The following CCNB1IP1 variants were observed in gnomAD, a reference collection of about 807,000 sequenced individuals.
CCNB1IP1 encodes the protein E3 ubiquitin-protein ligase CCNB1IP1.
Under a neutral mutation model 25.6 loss-of-function variants are expected in CCNB1IP1, and 14 were observed. The observed-to-expected ratio is 0.55, with a 90% confidence interval of 0.36 to 0.85. The LOEUF (loss-of-function observed/expected upper bound fraction) is 0.85. Among genes scored for constraint, CCNB1IP1 ranks in the 40% least tolerant of loss-of-function variants. The pLI is 0.01. For missense variants in CCNB1IP1, 278 were observed against 342.4 expected (o/e 0.81, Z 1.48); for synonymous variants, 119 against 116.1 (o/e 1.02, Z -0.16).
At chr14:20,315,347 T>C in intron 5 of CCNB1IP1, 1 of 320,428 alleles carries the variant, frequency 3.1e-6, no homozygotes, top group Non-Finnish European at 5.0e-6. Context: ...TATAAAATGG[T>C]ATAGCCACTT....
intron 5 of CCNB1IP1, chr14:20,315,467 G>A: frequency 9.0e-7 from 1 of 1,111,430 alleles, no homozygotes. Context: ...AGAGGAGCAT[G>A]TAAGAGAAAC....
At chr14:20,329,452 G>A (rs1227745188) in intron 1 of CCNB1IP1, 79 bp from the exon 2 acceptor site, 1 of 152,326 alleles carries the variant, frequency 6.6e-6, no homozygotes, top group East Asian at 1.9e-4. Flanking sequence ...TTTTCCTTTA[G>A]AGATAGTTAT....
At chr14:20,323,756 A>C (rs137932574) in intron 4 of CCNB1IP1, among the ~76,000 whole-genome samples, 1 of 151,768 alleles carries the variant, frequency 6.6e-6, no homozygotes, top group Non-Finnish European at 1.5e-5. Flanking sequence ...CTCTACTAAA[A>C]ATACAAAAAA....
intron 4 of CCNB1IP1, chr14:20,318,951 A>G (rs28436942): frequency 6.6e-6 from 1 of 152,074 alleles, no homozygotes; most frequent in Non-Finnish European, 1.5e-5. Flanking sequence ...TTAGTAGACA[A>G]AGGGTCTCGC....
At position 20,332,024 on chromosome 14, in the gene CCNB1IP1, A is replaced by ATTTTT. The variant is rs1262694211; in HGVS notation, c.-431+1229_-431+1230insAAAAA. On this transcript the variant is annotated intron_variant, in intron 1 of 6. Transcript: ENST00000358932. ...TGTATACATATATATATATATATAT[A>ATTTTT]TATTTTTTTTTTTTTTTTTTTTTTT... Among the ~76,000 whole-genome samples, 48 of 50,166 alleles carry ATTTTT rather than the reference A, an allele frequency of 9.6e-4. 1 individual carries two copies. The highest frequency in any genetic ancestry group is 3.4e-3 in the African/African-American group (35 of 10,380). The allele number at this position is 50,166 out of a possible 152,430, so 32.9% of individuals were successfully genotyped here.
At chr14:20,325,249 G>A (rs371952445) in intron 4 of CCNB1IP1, among the ~76,000 whole-genome samples, 86 of 150,770 alleles carry the variant, frequency 5.7e-4, no homozygotes, top group African/African-American at 1.8e-3. Context: ...GTGAAACCCC[G>A]TCTCTACTAA....
chr14:20,316,824 T>C (rs1882714794), intron 4 of CCNB1IP1, among the ~76,000 whole-genome samples: 2 of 152,162 alleles, frequency 1.3e-5, no homozygotes, highest in African/African-American at 4.8e-5. Flanking sequence ...AATATATACG[T>C]GGGCCAGGCT....
Position 20,316,001 on chromosome 14 carries a change from CA to C in CCNB1IP1, c.297+225del, listed in dbSNP as rs571937756. 1.7e-4 allele frequency among the ~76,000 whole-genome samples: 26 copies of C among 152,090 alleles called. No homozygotes were observed. In the South Asian group the frequency reaches 5.4e-3, roughly 32 times the overall value. On this transcript the variant is annotated intron_variant, in intron 5 of 6. Transcript: ENST00000358932. ...GTGTGAGTGTGTGTGTGTGTATACCCAAAATATAAACAATGGTTATCTCTGA... is the reference window on the plus strand; with the variant it reads ...GTGTGAGTGTGTGTGTGTGTATACCCAAATATAAACAATGGTTATCTCTGA...
rs1036633097 is a variant in CCNB1IP1 at position 20,320,812 on chromosome 14, A to G, written c.-37-4252T>C. On this transcript the variant is annotated intron_variant, in intron 4 of 6. Transcript: ENST00000358932. ...AAAGCCAGACTCCGTCTCAAAAAAAAAAAAAAAAAAATTATAGATATGAAA... is the reference window on the plus strand; with the variant it reads ...AAAGCCAGACTCCGTCTCAAAAAAAGAAAAAAAAAAATTATAGATATGAAA... 6.3e-4 allele frequency among the ~76,000 whole-genome samples: 95 copies of G among 151,708 alleles called. No individual in the cohort carries two copies. The East Asian group carries it at 0.017, about 27-fold the overall frequency.
intron 6 of CCNB1IP1, among the ~76,000 whole-genome samples, 197 bp downstream of exon 6, chr14:20,313,270 CT>C (rs1882562134): frequency 6.6e-6 from 1 of 152,126 alleles, no homozygotes; most frequent in African/African-American, 2.4e-5. Context: ...CAAATTAAAG[CT>C]TTAATTTAAA....
intron 3 of CCNB1IP1, 22 bp from the exon 4 acceptor site, chr14:20,325,675 A>C (rs1202196838): frequency 6.6e-6 from 1 of 152,136 alleles, no homozygotes; most frequent in African/African-American, 2.4e-5. Context: ...AACAAAAGCT[A>C]AAAAATTATT....
chr14:20,312,117 C>CTA, intron 6 of CCNB1IP1, among the ~76,000 whole-genome samples: 1 of 152,150 alleles, frequency 6.6e-6, no homozygotes, highest in East Asian at 1.9e-4. Context: ...AAAATGCTGA[C>CTA]TATATATCCT....
rs534725127 is a variant in CCNB1IP1 at position 20,314,919 on chromosome 14, G to A, written c.298-1118C>T. Among the ~76,000 whole-genome samples, 1,242 of 150,714 alleles carry A rather than the reference G, an allele frequency of 8.2e-3. 23 individuals carry two copies. Among genetic ancestry groups the A allele is most frequent in the African/African-American group, 0.029 (1,175 of 41,048 alleles). On this transcript the variant is annotated intron_variant, in intron 5 of 6. Transcript: ENST00000358932. ...ATCCTGGCTAACACGGTGAAACCCC[G>A]CCTCTACTAAAAATACAAAAAATTA...
intron 1 of CCNB1IP1, among the ~76,000 whole-genome samples, chr14:20,331,967 T>G (rs973720765): frequency 7.0e-5 from 10 of 142,868 alleles, no homozygotes; most frequent in Non-Finnish European, 1.1e-4. Context: ...TGTGAATGTA[T>G]TACCTATTCA....
Position 20,316,502 on chromosome 14 carries a change from G to C in CCNB1IP1, c.22C>G (p.Leu8Val). The C allele has an allele frequency of 6.2e-7, 1 of 1,608,730 alleles. No individual in the cohort carries two copies. The highest frequency in any genetic ancestry group is 8.5e-7 in the Non-Finnish European group (1 of 1,179,770). The change falls in exon 5 of 7, where the codon CTG becomes GTG. Residue 8 changes from leucine (L) to valine (V), a missense_variant. By Grantham distance (32) the Leu-to-Val change is conservative. Transcript: ENST00000358932. MSLCEDM[L>V]LCNYRKCRIK... ...CGACACTTTCGATAATTACAAAGCA[G>C]CATGTCTTCACACAAAGACATAATA...
intron 4 of CCNB1IP1, among the ~76,000 whole-genome samples, chr14:20,321,010 T>C (rs113331878): frequency 0.015 from 2,273 of 149,264 alleles, 60 homozygotes; most frequent in African/African-American, 0.054. Context: ...TGGTGGTGCA[T>C]GCCTGTAATC....
At position 20,311,519 on chromosome 14, in the gene CCNB1IP1, G is replaced by A; in HGVS notation, c.*31C>T. ...CCCAGCCTCAACCTCCTAAGTAGCT[G>A]GGATCACAGGTGCGTGACACTATGC... On this transcript the variant is annotated 3_prime_UTR_variant, in exon 7 of 7. Coordinates refer to ENST00000358932, the MANE Select transcript of CCNB1IP1 (RefSeq NM_021178.5). 1 of 1,588,414 alleles carries A rather than the reference G, an allele frequency of 6.3e-7. No homozygotes were observed. The highest frequency in any genetic ancestry group is 8.6e-7 in the Non-Finnish European group (1 of 1,158,688).
chr14:20,320,420 A>G, intron 4 of CCNB1IP1: 1 of 420,812 alleles, frequency 2.4e-6, no homozygotes. Context: ...TGCAAGGGAT[A>G]CAATATGCAT....
At chr14:20,322,510 C>T in intron 4 of CCNB1IP1, among the ~76,000 whole-genome samples, 1 of 151,974 alleles carries the variant, frequency 6.6e-6, no homozygotes, top group East Asian at 1.9e-4. Flanking sequence ...CCACCTCTTA[C>T]ATTTTTGCAA....
Sources: allele counts gnomAD v4.1 joint callset (sites outside exome capture counted in the v4.1 genomes callset), GRCh38; gene constraint gnomAD v4.1.1; transcripts MANE v1.5; gene names NCBI Gene and HGNC (gene_info 2026-07-23, HGNC 2026-07-21).